RIN2: variants seen among roughly 807,000 people sequenced by gnomAD.
RIN2 encodes the protein RAB5 interacting protein 2.
A neutral mutation model predicts 78.0 loss-of-function variants in RIN2; 36 were observed. That is an observed-to-expected ratio of 0.46 (90% CI 0.35 to 0.61). RIN2 has a LOEUF of 0.61. Among genes scored for constraint, RIN2 ranks in the 20% least tolerant of loss-of-function variants. The pLI, the probability that RIN2 is intolerant of heterozygous loss-of-function variation, is 0.00. For synonymous variants in RIN2, 466 were observed against 466.8 expected (o/e 1.00, Z 0.02); for missense variants, 1,087 against 1,159.7 (o/e 0.94, Z 0.91).
chr20:19,904,243 ATAT>A (rs1568592241), intron 3 of RIN2, among the ~76,000 whole-genome samples: 114 of 50,346 alleles, frequency 2.3e-3, no homozygotes, highest in South Asian at 0.022. Context: ...AAAAAAAAAT[ATAT>A]ATATATATAT....
chr20:19,931,955 T>A (rs975018503), intron 3 of RIN2, among the ~76,000 whole-genome samples: 11 of 152,114 alleles, frequency 7.2e-5, no homozygotes, highest in Non-Finnish European at 1.3e-4. Context: ...CACATATAGG[T>A]TTGTGTATCT....
At chr20:19,802,210 C>T (rs986904514) in intron 2 of RIN2, among the ~76,000 whole-genome samples, 1 of 152,164 alleles carries the variant, frequency 6.6e-6, no homozygotes, top group African/African-American at 2.4e-5. Context: ...GGTTAGGTCA[C>T]TTGCCCTACA....
At chr20:19,934,520 C>A (rs2040558414) in intron 3 of RIN2, 1 of 985,132 alleles carries the variant, frequency 1.0e-6, no homozygotes, top group Admixed American at 6.2e-5. Context: ...TCCACCCCAG[C>A]CTCACTCAGT....
At chr20:19,981,038 G>A (rs1035345539) in intron 9 of RIN2, among the ~76,000 whole-genome samples, 4 of 151,646 alleles carry the variant, frequency 2.6e-5, no homozygotes, top group African/African-American at 7.3e-5. Flanking sequence ...CTCGTGGGCG[G>A]CCCTGTGTGG....
chr20:19,875,240 C>A (rs1203329460), intron 2 of RIN2, among the ~76,000 whole-genome samples: 1 of 152,068 alleles, frequency 6.6e-6, no homozygotes, highest in Non-Finnish European at 1.5e-5. Context: ...CTCACTGCAA[C>A]CTCCACCTCC....
At chr20:19,912,460 T>A (rs2039510232) in intron 3 of RIN2, among the ~76,000 whole-genome samples, 1 of 121,294 alleles carries the variant, frequency 8.2e-6, no homozygotes, top group Non-Finnish European at 1.6e-5. Flanking sequence ...TCATTTCTTT[T>A]TTCTTTTTCT....
intron 3 of RIN2, among the ~76,000 whole-genome samples, chr20:19,912,475 C>CTTTTTTTTTTTT (rs545323465): frequency 9.4e-4 from 104 of 110,884 alleles, no homozygotes; most frequent in Non-Finnish European, 1.2e-3. Context: ...TTTTCTTTTT[C>CTTTTTTTTTTTT]TTTTTTTTTT....
intron 1 of RIN2, among the ~76,000 whole-genome samples, chr20:19,766,925 A>G (rs2033909892): frequency 6.6e-6 from 1 of 151,930 alleles, no homozygotes; most frequent in Non-Finnish European, 1.5e-5. Flanking sequence ...AAAAAAAAAA[A>G]AAGAAAAAAA....
chr20:19,781,488 C>T (rs186700234), intron 1 of RIN2, among the ~76,000 whole-genome samples: 5 of 152,250 alleles, frequency 3.3e-5, no homozygotes, highest in East Asian at 3.9e-4. Flanking sequence ...CCAAGTGACA[C>T]GATTTCTCTG....
chr20:19,907,175 C>T (rs960214391), intron 3 of RIN2, among the ~76,000 whole-genome samples: 8 of 152,178 alleles, frequency 5.3e-5, no homozygotes, highest in African/African-American at 1.9e-4. Context: ...ATCCTTTTAT[C>T]AGGAACCCAC....
At chr20:19,889,443 A>C (rs2038341721) in intron 2 of RIN2, 123 bp from the exon 3 acceptor site, 2 of 1,150,688 alleles carry the variant, frequency 1.7e-6, no homozygotes, top group Admixed American at 2.6e-5. Context: ...TTGGTGGGAA[A>C]TAAATGGCAC....
intron 2 of RIN2, among the ~76,000 whole-genome samples, chr20:19,828,684 A>G (rs1028240339): frequency 6.6e-6 from 1 of 152,230 alleles, no homozygotes; most frequent in Non-Finnish European, 1.5e-5. Flanking sequence ...CCAAAAGAAA[A>G]GAAAAAATAT....
chr20:19,964,910 T>A (rs964148897), intron 6 of RIN2, 42 bp from the exon 7 acceptor site: 25 of 1,541,188 alleles, frequency 1.6e-5, no homozygotes, highest in Non-Finnish European at 2.2e-5. Context: ...TCCCAGAACG[T>A]GCTCAGGGAG....
At chr20:19,991,005 C>A (rs1487408423) in intron 10 of RIN2, among the ~76,000 whole-genome samples, 1 of 152,158 alleles carries the variant, frequency 6.6e-6, no homozygotes, top group African/African-American at 2.4e-5. Flanking sequence ...AACCATGAAT[C>A]CTGGATAGTA....
At chr20:19,870,551 G>A (rs2037659588) in intron 2 of RIN2, among the ~76,000 whole-genome samples, 2 of 152,152 alleles carry the variant, frequency 1.3e-5, no homozygotes, top group African/African-American at 4.8e-5. Flanking sequence ...GGAGGTTGAG[G>A]CACGAGAATC....
chr20:19,927,823 T>TA (rs1353337499), intron 3 of RIN2, among the ~76,000 whole-genome samples: 1 of 152,096 alleles, frequency 6.6e-6, no homozygotes, highest in African/African-American at 2.4e-5. Flanking sequence ...GCACTGGGAT[T>TA]ATAGGGGTAG....
Position 19,975,542 on chromosome 20 carries a change from C to T in RIN2, c.1517C>T (p.Ser506Phe). ...QLQKVSGVFS[S>F]FMTPEKRMVR... Reference sequence around the variant, plus strand: ...CAGAAGGTGAGCGGGGTGTTCAGCTCCTTCATGACCCCGGAGAAGCGGATG... The same window carrying T: ...CAGAAGGTGAGCGGGGTGTTCAGCTTCTTCATGACCCCGGAGAAGCGGATG... Residue 506 changes from serine to phenylalanine, a missense_variant, in exon 9 of 13, where the codon TCC (serine) becomes TTC (phenylalanine). Ser to Phe is a radical substitution (Grantham distance 155). Transcript: ENST00000255006. The surrounding 1 kb of genome is among the most constrained non-coding windows in gnomAD (Gnocchi z 4.9). 1 of 1,614,052 alleles carries T rather than the reference C, an allele frequency of 6.2e-7. No homozygotes were observed. The highest frequency in any genetic ancestry group is 8.5e-7 in the Non-Finnish European group (1 of 1,179,908).
chr20:19,847,440 G>C (rs975293028), intron 2 of RIN2, among the ~76,000 whole-genome samples: 1 of 152,152 alleles, frequency 6.6e-6, no homozygotes, highest in Non-Finnish European at 1.5e-5. Context: ...ATGCATAAAC[G>C]TGCATGCAGT....
chr20:19,959,378 T>C (rs6112689), intron 5 of RIN2, among the ~76,000 whole-genome samples: 25,857 of 152,102 alleles, frequency 0.17, 2,757 homozygotes, highest in East Asian at 0.48. Flanking sequence ...TCCACAGTGC[T>C]TTGGCCTCTT....
Sources: gnomAD v4.1 joint callset for allele counts (sites outside exome capture counted in the v4.1 genomes callset) on GRCh38, gnomAD v4.1.1 for gene constraint, Gnocchi (gnomAD v3.1) non-coding constraint, MANE v1.5 for transcripts, NCBI Gene and HGNC (gene_info 2026-07-23, HGNC 2026-07-21) for gene names.